LMO7: variants seen among roughly 807,000 people sequenced by gnomAD.
LMO7 encodes LIM domain only protein 7.
Under a neutral mutation model 206.5 loss-of-function variants are expected in LMO7, and 120 were observed. That is an observed-to-expected ratio of 0.58 (90% confidence interval 0.50 to 0.68). The LOEUF (loss-of-function observed/expected upper bound fraction) is 0.68, where lower values mean the gene tolerates loss of function less well. LMO7 is among the 30% of genes least tolerant of loss of function. LMO7 has a pLI of 0.00. For missense variants in LMO7, 1,959 were observed against 1,957.9 expected (o/e 1.00, Z -0.01); for synonymous variants, 706 against 681.5 (o/e 1.04, Z -0.56).
intron 1 of LMO7, among the ~76,000 whole-genome samples, chr13:75,699,404 A>ATT (rs57799165): frequency 4.2e-4 from 59 of 141,782 alleles, no homozygotes; most frequent in Non-Finnish European, 7.0e-4. Flanking sequence ...AAGATAGAAG[A>ATT]TTTTTTTTTT....
chr13:75,785,351 T>G (rs1481088271), intron 4 of LMO7, among the ~76,000 whole-genome samples: 2 of 152,164 alleles, frequency 1.3e-5, no homozygotes, highest in Non-Finnish European at 2.9e-5. Context: ...GCAAAGTTTC[T>G]TAAGCTTTTG....
rs1303340535 is a variant in LMO7 at position 75,858,002 on chromosome 13, G to A, written c.*59G>A. 3 of 1,599,880 alleles carry A rather than the reference G, an allele frequency of 1.9e-6. No homozygotes were observed. The highest frequency in any genetic ancestry group is 3.4e-5 in the Admixed American group (2 of 58,508). ...AGAAGAAGAGGTGGTTGCTGCTCAT[G>A]TAGATCTATAAATATGTGTTGTATG... On this transcript the variant is annotated 3_prime_UTR_variant, in exon 31 of 31. Transcript: ENST00000377534.
intron 6 of LMO7, among the ~76,000 whole-genome samples, chr13:75,798,404 G>GC (rs1369923650): frequency 6.6e-6 from 1 of 152,158 alleles, no homozygotes; most frequent in Non-Finnish European, 1.5e-5. Flanking sequence ...ATGTACTAGG[G>GC]CTGTCTTTGT....
chr13:75,849,390 AC>A, intron 27 of LMO7, 98 bp downstream of exon 27: 3 of 905,006 alleles, frequency 3.3e-6, no homozygotes, highest in Middle Eastern at 5.1e-4. Context: ...GATGAAAGGA[AC>A]ATAGAGCGAA....
intron 3 of LMO7, among the ~76,000 whole-genome samples, chr13:75,727,982 T>A (rs1461720684): frequency 3.3e-5 from 5 of 152,046 alleles, no homozygotes; most frequent in Non-Finnish European, 7.4e-5. Context: ...TGCATAGTAT[T>A]CCCTGGTGTA....
Position 75,817,187 on chromosome 13 carries a change from CAGA to C in LMO7, c.1977_1979del (p.Glu659del), listed in dbSNP as rs772594293. On this transcript the variant is annotated inframe_deletion, in exon 12 of 31. Transcript: ENST00000377534. The stretch of plus-strand genomic sequence containing the variant: ...AGTAAGTCCATGAGTGATGTCAGCG[CAGA>C]AGATGTTCAAAACTTGCGTCAGCTG... 8 of 1,613,434 alleles carry C rather than the reference CAGA, an allele frequency of 5.0e-6. No homozygotes were observed. In the African/African-American group the frequency reaches 9.3e-5, roughly 19 times the overall value.
At position 75,851,961 on chromosome 13, in the gene LMO7, T is replaced by TA. The variant is rs146006200; in HGVS notation, c.4365-1121dup. ...TATGACAAACTCACTTCTGTAAGATTAAAAAAAAAATCTTAGTGTTATGAA... is the reference window on the plus strand; with the variant it reads ...TATGACAAACTCACTTCTGTAAGATTAAAAAAAAAAATCTTAGTGTTATGAA... On this transcript the variant is annotated intron_variant, in intron 27 of 30. Transcript: ENST00000377534. 6.0e-4 allele frequency among the ~76,000 whole-genome samples: 90 copies of TA among 150,398 alleles called. No homozygotes were observed. In the East Asian group the frequency reaches 0.015, roughly 24 times the overall value.
chr13:75,776,153 TATATATCGG>T (rs1255899497), intron 4 of LMO7, among the ~76,000 whole-genome samples: 4 of 93,718 alleles, frequency 4.3e-5, no homozygotes, highest in Non-Finnish European at 9.0e-5. Flanking sequence ...ATGCCATGTA[TATATATCGG>T]ATATATATAT....
intron 2 of LMO7, among the ~76,000 whole-genome samples, chr13:75,723,628 A>G (rs1246113666): frequency 6.6e-6 from 1 of 152,192 alleles, no homozygotes; most frequent in African/African-American, 2.4e-5. Flanking sequence ...CTTTATATAC[A>G]GTTTTCTGAA....
chr13:75,704,643 G>A (rs192318234), intron 1 of LMO7, among the ~76,000 whole-genome samples: 31 of 152,198 alleles, frequency 2.0e-4, no homozygotes, highest in Admixed American at 2.0e-3. Context: ...CGAGAGAAGT[G>A]CCTGCTGACT....
At chr13:75,823,463 G>T in intron 14 of LMO7, 102 bp from the exon 15 acceptor site, 1 of 852,868 alleles carries the variant, frequency 1.2e-6, no homozygotes, top group Non-Finnish European at 1.8e-6. Context: ...ACTGTGGGAG[G>T]TATGTTATTT....
chr13:75,830,353 T>G (rs1399360325), intron 15 of LMO7, among the ~76,000 whole-genome samples: 1 of 152,186 alleles, frequency 6.6e-6, no homozygotes, highest in Non-Finnish European at 1.5e-5. Context: ...ACTTTAATCC[T>G]TCTGTGTAGT....
At chr13:75,696,120 G>C (rs955165770) in intron 1 of LMO7, among the ~76,000 whole-genome samples, 1 of 152,220 alleles carries the variant, frequency 6.6e-6, no homozygotes, top group Admixed American at 6.5e-5. Flanking sequence ...ACTTTGGGAG[G>C]TCAAGGCGGG....
intron 26 of LMO7, among the ~76,000 whole-genome samples, chr13:75,846,956 G>A (rs528769062): frequency 9.1e-4 from 138 of 151,476 alleles, no homozygotes; most frequent in African/African-American, 2.9e-3. Context: ...GCTTGAACCC[G>A]GGAGGCAGAG....
At chr13:75,717,362 CAA>C (rs55749528) in intron 2 of LMO7, among the ~76,000 whole-genome samples, 1,300 of 90,798 alleles carry the variant, frequency 0.014, 22 homozygotes, top group African/African-American at 0.048. Flanking sequence ...GACTCCGTCT[CAA>C]AAAAAAAAAA....
At chr13:75,794,614 A>G (rs1263288917) in intron 4 of LMO7, among the ~76,000 whole-genome samples, 1 of 152,194 alleles carries the variant, frequency 6.6e-6, no homozygotes, top group African/African-American at 2.4e-5. Context: ...AGGCTTCTAC[A>G]AGTCTCTGAA....
intron 1 of LMO7, among the ~76,000 whole-genome samples, chr13:75,696,456 G>A (rs1020793974): frequency 6.6e-6 from 1 of 152,202 alleles, no homozygotes; most frequent in Non-Finnish European, 1.5e-5. Context: ...AGGAAATCAA[G>A]TCTCATAAGA....
intron 1 of LMO7, among the ~76,000 whole-genome samples, chr13:75,666,456 G>A (rs9573606): frequency 0.23 from 35,244 of 152,060 alleles, 4,538 homozygotes; most frequent in Admixed American, 0.37. Context: ...TCTCATTTCT[G>A]CTCTGTTCTA....
At chr13:75,722,626 A>G (rs1008620578) in intron 2 of LMO7, among the ~76,000 whole-genome samples, 6 of 152,322 alleles carry the variant, frequency 3.9e-5, no homozygotes, top group Middle Eastern at 3.4e-3. Context: ...CCACTGTGGA[A>G]AACAGTGTGG....
Sources: gnomAD v4.1 joint callset for allele counts (sites outside exome capture counted in the v4.1 genomes callset) on GRCh38, gnomAD v4.1.1 for gene constraint, MANE v1.5 for transcripts, NCBI Gene and HGNC (gene_info 2026-07-23, HGNC 2026-07-21) for gene names.